GALNT2: variants seen among roughly 807,000 people sequenced by gnomAD.
GALNT2 encodes the protein UDP-GalNAc:polypeptide N-acetylgalactosaminyltransferase 2.
GALNT2 carries 31 observed loss-of-function variants against 81.4 expected under a neutral mutation model. The ratio of observed to expected loss-of-function variants is 0.38; its 90% confidence interval spans 0.29 to 0.51. GALNT2 has a LOEUF of 0.51. Ranked by LOEUF, GALNT2 falls within the 20% of genes least tolerant of loss-of-function variation. The probability of loss-of-function intolerance (pLI) is 0.87; values close to 1 mark genes in which losing one functional copy is unlikely to be tolerated. For missense variants in GALNT2, 629 were observed against 765.7 expected, an observed-to-expected ratio of 0.82 and a Z score of 2.11; for synonymous variants, 303 against 287.4, an observed-to-expected ratio of 1.05 and a Z score of -0.55.
intron 11 of GALNT2, among the ~76,000 whole-genome samples, chr1:230,258,269 G>A (rs1042497200): frequency 1.3e-5 from 2 of 148,966 alleles, no homozygotes; most frequent in African/African-American, 5.0e-5. Context: ...CGATCTCGTT[G>A]CCCACACTGG....
At chr1:230,235,859 G>A (rs1041453971) in intron 3 of GALNT2, among the ~76,000 whole-genome samples, 155 bp from the exon 4 acceptor site, 1 of 152,122 alleles carries the variant, frequency 6.6e-6, no homozygotes, top group African/African-American at 2.4e-5. Context: ...CCCGTTGGCA[G>A]TTCATCTCAG....
rs1664731525 is a variant in GALNT2 at position 230,226,880 on chromosome 1, G to A, written c.375-9134G>A. Among the ~76,000 whole-genome samples, 4 of 151,936 alleles carry A rather than the reference G, an allele frequency of 2.6e-5. No individual in the cohort carries two copies. In the South Asian group the frequency reaches 8.3e-4, roughly 32 times the overall value. ...CTGAAGAAGGTGGAAAAAACTGCAG[G>A]GTGTAAACCTAAAGAAAGCAGAAGG... On this transcript the variant is annotated intron_variant, in intron 3 of 15. Coordinates refer to ENST00000366672, the MANE Select transcript of GALNT2 (RefSeq NM_004481.5).
At position 230,243,882 on chromosome 1, in the gene GALNT2, C is replaced by CCAG. The variant is rs1260205297; in HGVS notation, c.729+459_729+461dup. ...CTCTTAGTGAGTAGGGCAGGTTAGC[C>CCAG]CAGCAGGCTTCCAGGCTCCTGTGGG... is the stretch of plus-strand genomic sequence containing the variant. On this transcript the variant is annotated intron_variant, in intron 7 of 15. Transcript: ENST00000366672. The surrounding 1 kb of genome is among the most constrained non-coding windows in gnomAD (Gnocchi z 4.2). Among the ~76,000 whole-genome samples, 2 of 152,136 alleles carry CCAG rather than the reference C, an allele frequency of 1.3e-5. No homozygotes were observed. The highest frequency in any genetic ancestry group is 2.9e-5 in the Non-Finnish European group (2 of 68,026).
rs1663866529 is a variant in GALNT2 at position 230,200,724 on chromosome 1, T to C, written c.221-2413T>C. On this transcript the variant is annotated intron_variant, in intron 2 of 15. Transcript: ENST00000366672. ...CCACACCAACCAGAGTCCTCAGACT[T>C]TGCTGTCCCCAGCACGCCGGTGAGA... Among the ~76,000 whole-genome samples the C allele has an allele frequency of 2.0e-5, 3 of 152,182 alleles. No individual in the cohort carries two copies. In the South Asian group the frequency reaches 6.2e-4, roughly 31 times the overall value.
At chr1:230,250,326 T>A (rs1665504326) in intron 9 of GALNT2, 131 bp from the exon 10 acceptor site, 1 of 700,120 alleles carries the variant, frequency 1.4e-6, no homozygotes, top group East Asian at 2.7e-5. Context: ...CAGAAAACAG[T>A]GGCAGTGTGG....
chr1:230,139,439 C>T (rs1202075050), intron 1 of GALNT2, among the ~76,000 whole-genome samples: 2 of 152,168 alleles, frequency 1.3e-5, no homozygotes, highest in African/African-American at 4.8e-5. Flanking sequence ...CAGCACAGTG[C>T]AGCCTGGAGT....
intron 2 of GALNT2, among the ~76,000 whole-genome samples, chr1:230,191,866 T>C (rs1294639728): frequency 2.0e-5 from 3 of 152,218 alleles, no homozygotes; most frequent in African/African-American, 7.2e-5. Flanking sequence ...GTTCTCGCTG[T>C]CCAGTGAAAC....
intron 1 of GALNT2, among the ~76,000 whole-genome samples, chr1:230,133,723 G>A (rs1414571420): frequency 2.0e-5 from 3 of 152,146 alleles, no homozygotes; most frequent in Non-Finnish European, 4.4e-5. Flanking sequence ...CTAAAGTGCT[G>A]GGATTACAGG....
intron 1 of GALNT2, among the ~76,000 whole-genome samples, chr1:230,068,663 C>T (rs543330218): frequency 2.0e-5 from 3 of 152,232 alleles, no homozygotes; most frequent in African/African-American, 7.2e-5. Context: ...TTTTTCTTTG[C>T]TTCATTCATT....
rs1289843914 is a variant in GALNT2, at chr1:230,231,150, G to C, written c.375-4864G>C. ...TCGGCTGCCTCTCCAAGTTGCTAGA[G>C]AAAGCTCCACTCTGACCTCCCAGTC... On this transcript the variant is annotated intron_variant, in intron 3 of 15. Transcript: ENST00000366672. Among the ~76,000 whole-genome samples the C allele has an allele frequency of 2.6e-5, 4 of 152,186 alleles. No individual in the cohort carries two copies. In the East Asian group the frequency reaches 7.7e-4, roughly 29 times the overall value.
At position 230,203,194 on chromosome 1, in the gene GALNT2, G is replaced by A. The variant is rs1227782777; in HGVS notation, c.278G>A (p.Arg93His). Reference sequence around the variant, plus strand: ...GCTTATGTTGGAGGGACGATGGTCCGCTCCGGGCAGGACCCTTACGCCCGC... The same window carrying A: ...GCTTATGTTGGAGGGACGATGGTCCACTCCGGGCAGGACCCTTACGCCCGC... ...QEAYVGGTMV[R>H]SGQDPYARNK... is the part of the protein sequence containing the mutation. Residue 93 changes from arginine (R) to histidine (H), a missense_variant, in exon 3 of 16, where the codon CGC becomes CAC. Arg to His is a conservative substitution (Grantham distance 29). Coordinates refer to ENST00000366672, the MANE Select transcript of GALNT2 (RefSeq NM_004481.5). 8.7e-6 allele frequency: 14 copies of A among 1,614,026 alleles called. No homozygotes were observed. Among genetic ancestry groups the A allele is most frequent in the South Asian group, 1.1e-5 (1 of 91,086 alleles).
In GALNT2 at chr1:230,110,714, G is replaced by GTTTTTTT. The variant is rs113630188; in HGVS notation, c.126+43316_126+43322dup. Among the ~76,000 whole-genome samples, 303 of 137,620 alleles carry GTTTTTTT rather than the reference G, an allele frequency of 2.2e-3. 3 individuals carry two copies. The highest frequency in any genetic ancestry group is 3.8e-3 in the Middle Eastern group (1 of 264). 90.3% of individuals were successfully genotyped at this position (137,620 alleles called of 152,430 possible). A position where few individuals can be genotyped will look rare whatever the true frequency, so the allele number is the denominator to read the frequency against. ...GGGTCTCTCTCAGCTGTGCTTTTCT[G>GTTTTTTT]TTTTTTTTTTTTTTGTCTTCAATAG... On this transcript the variant is annotated intron_variant, in intron 1 of 15. Coordinates refer to ENST00000366672, the MANE Select transcript of GALNT2 (RefSeq NM_004481.5).
At chr1:230,066,976 C>G (rs1274549789), upstream of GALNT2, among the ~76,000 whole-genome samples, 4 of 149,476 alleles carry the variant, frequency 2.7e-5, no homozygotes, top group Non-Finnish European at 6.0e-5. Flanking sequence ...CGCGGCAGTC[C>G]CCTCCCGCGG....
At chr1:230,183,655 C>T (rs1454740010) in intron 2 of GALNT2, among the ~76,000 whole-genome samples, 1 of 152,160 alleles carries the variant, frequency 6.6e-6, no homozygotes, top group Non-Finnish European at 1.5e-5. Context: ...TTATTTCAAA[C>T]AACCCATTAT....
At chr1:230,117,947 G>C (rs1385040978) in intron 1 of GALNT2, among the ~76,000 whole-genome samples, 1 of 152,204 alleles carries the variant, frequency 6.6e-6, no homozygotes, top group East Asian at 1.9e-4. Flanking sequence ...GCCTCACTCT[G>C]TTCTGGGCAG....
At chr1:230,211,451 A>G (rs1664232055) in intron 3 of GALNT2, among the ~76,000 whole-genome samples, 1 of 152,210 alleles carries the variant, frequency 6.6e-6, no homozygotes, top group Non-Finnish European at 1.5e-5. Flanking sequence ...AAAGCAGTTC[A>G]TTGAACATTT....
intron 2 of GALNT2, among the ~76,000 whole-genome samples, chr1:230,201,990 A>G (rs1010410821): frequency 2.0e-5 from 3 of 152,166 alleles, no homozygotes; most frequent in Non-Finnish European, 4.4e-5. Context: ...TCATGTGAGC[A>G]GGGTTGTTGG....
At chr1:230,096,994 A>G (rs1490112727) in intron 1 of GALNT2, among the ~76,000 whole-genome samples, 1 of 152,186 alleles carries the variant, frequency 6.6e-6, no homozygotes, top group Non-Finnish European at 1.5e-5. Flanking sequence ...GAACATCAGG[A>G]TCATACTAAG....
intron 1 of GALNT2, among the ~76,000 whole-genome samples, chr1:230,138,549 A>G (rs932735367): frequency 2.6e-5 from 4 of 151,848 alleles, no homozygotes; most frequent in African/African-American, 4.8e-5. Context: ...AAAAAATGAA[A>G]CAGAAGAAAG....
Sources: gnomAD v4.1 joint callset for allele counts (sites outside exome capture counted in the v4.1 genomes callset) on GRCh38, gnomAD v4.1.1 for gene constraint, Gnocchi (gnomAD v3.1) non-coding constraint, MANE v1.5 for transcripts, NCBI Gene and HGNC (gene_info 2026-07-23, HGNC 2026-07-21) for gene names.